Variants in PLCH1 observed in about 807,000 individuals in gnomAD.
The protein encoded by PLCH1 is 1-phosphatidylinositol 4,5-bisphosphate phosphodiesterase eta-1.
In PLCH1, 60 loss-of-function variants were observed where a neutral mutation model predicts 126.7. The ratio of observed to expected loss-of-function variants is 0.47; its 90% CI spans 0.38 to 0.59. PLCH1 has a LOEUF of 0.59. PLCH1 is among the 20% of genes least tolerant of loss of function. The pLI is 0.00. For missense variants in PLCH1, 1,723 were observed against 2,040.0 expected (o/e 0.84, Z 2.99); for synonymous variants, 719 against 734.9 (o/e 0.98, Z 0.35).
chr3:155,575,456 A>G (rs1729801900), intron 6 of PLCH1, among the ~76,000 whole-genome samples: 1 of 152,192 alleles, frequency 6.6e-6, no homozygotes, highest in Non-Finnish European at 1.5e-5. Flanking sequence ...CAATTTTCAG[A>G]GCTACTACAC....
chr3:155,542,095 G>A (rs964707565), intron 10 of PLCH1, among the ~76,000 whole-genome samples: 5 of 152,206 alleles, frequency 3.3e-5, no homozygotes, highest in African/African-American at 9.7e-5. Flanking sequence ...TGCCTCAATC[G>A]GGAAGCGCAA....
intron 2 of PLCH1, among the ~76,000 whole-genome samples, chr3:155,616,486 T>C (rs1038018071): frequency 4.6e-5 from 7 of 152,344 alleles, no homozygotes; most frequent in African/African-American, 7.2e-5. Flanking sequence ...TCTTGGAGCA[T>C]TGATCTGCTC....
chr3:155,638,480 C>A (rs959676176), intron 2 of PLCH1, among the ~76,000 whole-genome samples: 3 of 152,336 alleles, frequency 2.0e-5, no homozygotes, highest in South Asian at 4.1e-4. Flanking sequence ...AGACTTTAAA[C>A]ATGCAGAAGA....
intron 13 of PLCH1, among the ~76,000 whole-genome samples, chr3:155,503,884 T>C (rs895400528): frequency 6.6e-6 from 1 of 152,254 alleles, no homozygotes; most frequent in Non-Finnish European, 1.5e-5. Context: ...TGCTAAGTCA[T>C]AGTACATAGT....
chr3:155,540,513 A>G (rs1365784051), intron 10 of PLCH1, among the ~76,000 whole-genome samples: 1 of 152,222 alleles, frequency 6.6e-6, no homozygotes, highest in African/African-American at 2.4e-5. Flanking sequence ...ACTAATATCT[A>G]CAATCTACAA....
chr3:155,558,007 T>C (rs1334100578), intron 8 of PLCH1, among the ~76,000 whole-genome samples: 1 of 152,130 alleles, frequency 6.6e-6, no homozygotes, highest in African/African-American at 2.4e-5. Flanking sequence ...CATGTAAAAA[T>C]GTTATCCATT....
chr3:155,665,660 C>T (rs1192319713), intron 2 of PLCH1, among the ~76,000 whole-genome samples: 1 of 152,188 alleles, frequency 6.6e-6, no homozygotes, highest in Non-Finnish European at 1.5e-5. Context: ...CCCCTAGAGT[C>T]TGATCAGCCC....
At chr3:155,723,953 CAA>C (rs34436223) in intron 1 of PLCH1, among the ~76,000 whole-genome samples, 38 of 80,040 alleles carry the variant, frequency 4.7e-4, no homozygotes, top group South Asian at 8.4e-4. Context: ...AACTCCATCT[CAA>C]AAAAAAAAAA....
chr3:155,546,150 G>A (rs1285966277), intron 10 of PLCH1, among the ~76,000 whole-genome samples: 1 of 152,138 alleles, frequency 6.6e-6, no homozygotes, highest in Non-Finnish European at 1.5e-5. Flanking sequence ...CATTGTCTCA[G>A]CCCAAAATCT....
intron 10 of PLCH1, among the ~76,000 whole-genome samples, chr3:155,544,900 A>G (rs1362488035): frequency 2.6e-5 from 4 of 151,460 alleles, no homozygotes; most frequent in Non-Finnish European, 5.9e-5. Context: ...GTGTAGAGGG[A>G]AATTTATAGC....
At chr3:155,653,118 GATAGATATAGATATAGATATAGAT>G (rs11275678) in intron 2 of PLCH1, among the ~76,000 whole-genome samples, 21,859 of 137,996 alleles carry the variant, frequency 0.16, 1,981 homozygotes, top group African/African-American at 0.22. Context: ...TATAGATGTA[GATAGATATAGATATAGATATAGAT>G]ATAGATATAG....
At chr3:155,738,619 T>C (rs1749381836) in intron 1 of PLCH1, among the ~76,000 whole-genome samples, 1 of 151,354 alleles carries the variant, frequency 6.6e-6, no homozygotes, top group South Asian at 2.1e-4. Flanking sequence ...CTGTCTCTAC[T>C]AAAAATACAA....
At chr3:155,651,537 A>G (rs1264174456) in intron 2 of PLCH1, among the ~76,000 whole-genome samples, 5 of 152,222 alleles carry the variant, frequency 3.3e-5, no homozygotes, top group Non-Finnish European at 5.9e-5. Flanking sequence ...CTTCTATAGT[A>G]TTAAATTTTC....
At chr3:155,592,015 G>A (rs1238106558) in intron 4 of PLCH1, among the ~76,000 whole-genome samples, 3 of 151,922 alleles carry the variant, frequency 2.0e-5, no homozygotes, top group African/African-American at 7.3e-5. Context: ...TAAGTCTTCA[G>A]TTTTTAAGAG....
At chr3:155,667,084 A>C (rs770609915) in intron 2 of PLCH1, among the ~76,000 whole-genome samples, 2 of 152,200 alleles carry the variant, frequency 1.3e-5, no homozygotes, top group Non-Finnish European at 2.9e-5. Context: ...TTTGAAGTGC[A>C]CAGAATCCAT....
At chr3:155,619,498 T>TTAAAAAAA (rs200522384) in intron 2 of PLCH1, among the ~76,000 whole-genome samples, 1 of 133,518 alleles carries the variant, frequency 7.5e-6, no homozygotes, top group African/African-American at 2.6e-5. Context: ...ACAGAAAAAG[T>TTAAAAAAA]AAAAAAAAAA....
chr3:155,524,693 C>A (rs1204174004), intron 10 of PLCH1, among the ~76,000 whole-genome samples: 1 of 152,046 alleles, frequency 6.6e-6, no homozygotes, highest in Non-Finnish European at 1.5e-5. Context: ...TTTGAAAAAT[C>A]AAACCAGGCT....
chr3:155,608,263 A>G (rs562802247), intron 2 of PLCH1, among the ~76,000 whole-genome samples: 3 of 152,314 alleles, frequency 2.0e-5, no homozygotes, highest in Admixed American at 1.3e-4. Context: ...CACAAGGTGA[A>G]AGAAGCTTCT....
At chr3:155,601,266 C>T (rs1339662840) in intron 2 of PLCH1, among the ~76,000 whole-genome samples, 3 of 152,056 alleles carry the variant, frequency 2.0e-5, no homozygotes, top group Non-Finnish European at 4.4e-5. Flanking sequence ...CGTGAGCCAC[C>T]GCACCTGGCC....
Sources: allele counts gnomAD v4.1 joint callset (sites outside exome capture counted in the v4.1 genomes callset), GRCh38; gene constraint gnomAD v4.1.1; transcripts MANE v1.5; gene names NCBI Gene and HGNC (gene_info 2026-07-23, HGNC 2026-07-21).